Variants in DPY19L3 observed in about 807,000 individuals in gnomAD.
The protein encoded by DPY19L3 is protein C-mannosyl-transferase DPY19L3.
A neutral mutation model predicts 92.3 loss-of-function variants in DPY19L3; 51 were observed. That is an observed-to-expected ratio of 0.55 (90% CI 0.44 to 0.70). The LOEUF (loss-of-function observed/expected upper bound fraction) is 0.70. DPY19L3 is among the 30% of genes least tolerant of loss of function. The probability of loss-of-function intolerance (pLI) is 0.00; values close to 1 mark genes in which losing one functional copy is unlikely to be tolerated. For synonymous variants in DPY19L3, 309 were observed against 315.2 expected (o/e 0.98, Z 0.21); for missense variants, 706 against 855.9 (o/e 0.82, Z 2.18).
At chr19:32,429,702 G>T (rs974312687) in intron 3 of DPY19L3, among the ~76,000 whole-genome samples, 1 of 152,170 alleles carries the variant, frequency 6.6e-6, no homozygotes, top group African/African-American at 2.4e-5. Context: ...GGATGTAGGT[G>T]TGACAGGATT....
rs143576014 is a variant in DPY19L3 at position 32,445,012 on chromosome 19, G to T, written c.855+5102G>T. On this transcript the variant is annotated intron_variant, in intron 8 of 18. Coordinates refer to ENST00000392250, the MANE Select transcript of DPY19L3 (RefSeq NM_001172774.2). ...GGAGGCTGAAGTGGGAGAAATTGAG[G>T]CTTCAGTGAACTGTAATTGCACCAC... is the stretch of plus-strand genomic sequence containing the variant. Among the ~76,000 whole-genome samples the T allele has an allele frequency of 2.1e-3, 310 of 149,248 alleles. 1 individual carries two copies. The highest frequency in any genetic ancestry group is 7.5e-3 in the African/African-American group (301 of 40,366).
chr19:32,434,957 C>G (rs964537019), intron 4 of DPY19L3, among the ~76,000 whole-genome samples: 1 of 152,202 alleles, frequency 6.6e-6, no homozygotes, highest in Non-Finnish European at 1.5e-5. Flanking sequence ...CCATAACACT[C>G]CTGTGTTAGA....
At chr19:32,440,295 C>T (rs1176386813) in intron 8 of DPY19L3, among the ~76,000 whole-genome samples, 1 of 152,108 alleles carries the variant, frequency 6.6e-6, no homozygotes, top group African/African-American at 2.4e-5. Flanking sequence ...ATAAAATTTT[C>T]ATAGTCACAT....
intron 3 of DPY19L3, among the ~76,000 whole-genome samples, chr19:32,430,157 G>A (rs139724340): frequency 0.018 from 2,777 of 152,236 alleles, 31 homozygotes; most frequent in Non-Finnish European, 0.021. Context: ...GGGAGGCCAC[G>A]GCAGGAGGAT....
chr19:32,413,574 A>G (rs1263393264), intron 3 of DPY19L3, among the ~76,000 whole-genome samples: 2 of 151,320 alleles, frequency 1.3e-5, no homozygotes, highest in East Asian at 3.9e-4. Context: ...AGCATTAGGT[A>G]TATCTCCCTA....
intron 6 of DPY19L3, among the ~76,000 whole-genome samples, chr19:32,437,783 TTTC>T (rs1271491391): frequency 4.1e-5 from 5 of 122,748 alleles, no homozygotes; most frequent in Middle Eastern, 4.1e-3. Context: ...TTTGGGTTTT[TTTC>T]TTGCTGTTTT....
chr19:32,446,489 A>G (rs949322287), intron 8 of DPY19L3, among the ~76,000 whole-genome samples: 5 of 152,228 alleles, frequency 3.3e-5, no homozygotes, highest in Admixed American at 1.3e-4. Context: ...TTCAAACACA[A>G]CAATATAGAT....
intron 4 of DPY19L3, 26 bp downstream of exon 4, chr19:32,432,832 G>A: frequency 6.2e-7 from 1 of 1,602,544 alleles, no homozygotes. Context: ...AGTTTCATTT[G>A]GGGTCTCCTG....
At chr19:32,454,415 A>C (rs867410979) in intron 9 of DPY19L3, among the ~76,000 whole-genome samples, 3 of 152,128 alleles carry the variant, frequency 2.0e-5, no homozygotes, top group Admixed American at 6.5e-5. Flanking sequence ...TCTACTAAAA[A>C]TACAAAAACT....
chr19:32,465,424 A>G (rs954628217), intron 15 of DPY19L3, among the ~76,000 whole-genome samples: 2 of 152,230 alleles, frequency 1.3e-5, no homozygotes. Flanking sequence ...TTGAATCATC[A>G]CTAGGGCAGA....
rs1968295784 is a variant in DPY19L3, at chr19:32,414,145, G to A, written c.237+2773G>A. Among the ~76,000 whole-genome samples the A allele has an allele frequency of 3.3e-5, 5 of 152,154 alleles. 1 individual carries two copies. In the South Asian group the frequency reaches 1.0e-3, roughly 32 times the overall value. The stretch of plus-strand genomic sequence containing the variant: ...TAAAGATACAAAAGAAGAGGGCCGG[G>A]CGCAGTGGCTCACACCTTTAATGCC... On this transcript the variant is annotated intron_variant, in intron 3 of 18. Coordinates refer to ENST00000392250, the MANE Select transcript of DPY19L3 (RefSeq NM_001172774.2).
At chr19:32,439,954 G>C (rs1466207031) in intron 8 of DPY19L3, 44 bp downstream of exon 8, 1 of 1,605,430 alleles carries the variant, frequency 6.2e-7, no homozygotes, top group Non-Finnish European at 8.5e-7. Context: ...TGGCCATTTA[G>C]TGTTTTTATA....
chr19:32,469,009 ATC>A (rs1970275731), intron 16 of DPY19L3, 196 bp downstream of exon 16: 1 of 417,660 alleles, frequency 2.4e-6, no homozygotes, highest in Admixed American at 4.4e-5. Context: ...CTCCAGCTAT[ATC>A]TCATGAAGAA....
At chr19:32,411,095 C>T (rs1968163935) in intron 2 of DPY19L3, 144 bp from the exon 3 acceptor site, 1 of 764,350 alleles carries the variant, frequency 1.3e-6, no homozygotes, top group Middle Eastern at 3.8e-4. Flanking sequence ...TCTGTGGAAT[C>T]AGAAAGGACC....
chr19:32,478,063 C>T (rs1439760825), intron 17 of DPY19L3, among the ~76,000 whole-genome samples: 1 of 152,194 alleles, frequency 6.6e-6, no homozygotes. Context: ...CCCACCAGGT[C>T]CCTACCACAT....
chr19:32,439,052 T>G, intron 6 of DPY19L3, 60 bp from the exon 7 acceptor site: 1 of 1,552,562 alleles, frequency 6.4e-7, no homozygotes, highest in Non-Finnish European at 8.7e-7. Context: ...GTTGAGGAAG[T>G]CTTCGAGGAA....
rs902468357 is a variant in DPY19L3, at chr19:32,445,154, T to C, written c.855+5244T>C. ...ATTTTCAGATGCAGAAAAAAAGAAC[T>C]GTCAAGGCTGGGTGCAGTGGCTCAC... is the stretch of plus-strand genomic sequence containing the variant. On this transcript the variant is annotated intron_variant, in intron 8 of 18. Coordinates refer to ENST00000392250, the MANE Select transcript of DPY19L3 (RefSeq NM_001172774.2). Among the ~76,000 whole-genome samples the C allele has an allele frequency of 1.1e-4, 16 of 146,648 alleles. 1 individual carries two copies. The highest frequency in any genetic ancestry group is 3.5e-4 in the African/African-American group (14 of 39,724).
Position 32,437,051 on chromosome 19 carries a change from C to G in DPY19L3, c.451-143C>G, listed in dbSNP as rs190581052. 3.1e-4 allele frequency: 295 copies of G among 942,294 alleles called. 2 individuals are homozygous for G. In the Admixed American group the frequency reaches 7.0e-3, roughly 22 times the overall value. The allele number at this position is 942,294 out of a possible 1,614,324, so 58.4% of individuals were successfully genotyped here. A position where few individuals can be genotyped will look rare whatever the true frequency, so the allele number is the denominator to read the frequency against. On this transcript the variant is annotated intron_variant, in intron 5 of 18. Coordinates refer to ENST00000392250, the MANE Select transcript of DPY19L3 (RefSeq NM_001172774.2). ...GAAGAAAGGCTACCCGAACGCTTCT[C>G]TAATAGATGAAAGGGGTGTGGGCTT...
intron 8 of DPY19L3, among the ~76,000 whole-genome samples, chr19:32,452,284 C>T (rs1030199937): frequency 1.3e-5 from 2 of 152,122 alleles, no homozygotes; most frequent in African/African-American, 2.4e-5. Flanking sequence ...CTGTTGGTGC[C>T]GGAGCTGATG....
Sources: allele counts gnomAD v4.1 joint callset (sites outside exome capture counted in the v4.1 genomes callset), GRCh38; gene constraint gnomAD v4.1.1; transcripts MANE v1.5; gene names NCBI Gene and HGNC (gene_info 2026-07-23, HGNC 2026-07-21).